The following TMPRSS6 variants were observed in gnomAD, a reference collection of about 807,000 sequenced individuals.
The protein encoded by TMPRSS6 is transmembrane serine protease 6.
In TMPRSS6, 67 loss-of-function variants were observed where a neutral mutation model predicts 101.5. That is an observed-to-expected ratio of 0.66 (90% confidence interval 0.54 to 0.81). The LOEUF (loss-of-function observed/expected upper bound fraction) is 0.81, where lower values mean the gene tolerates loss of function less well. Ranked by LOEUF, TMPRSS6 falls within the 30% of genes least tolerant of loss-of-function variation. The pLI, the probability that TMPRSS6 is intolerant of heterozygous loss-of-function variation, is 0.00. For synonymous variants in TMPRSS6, 453 were observed against 464.9 expected (o/e 0.97, Z 0.33); for missense variants, 1,034 against 1,088.7 (o/e 0.95, Z 0.71).
intron 7 of TMPRSS6, among the ~76,000 whole-genome samples, chr22:37,088,475 C>T (rs1271283012): frequency 2.0e-5 from 3 of 152,174 alleles, no homozygotes; most frequent in East Asian, 1.9e-4. Flanking sequence ...AATAAACAAT[C>T]GCTGAGAACT....
chr22:37,107,683 C>T (rs993988080), intron 1 of TMPRSS6, among the ~76,000 whole-genome samples: 3 of 152,092 alleles, frequency 2.0e-5, no homozygotes, highest in Admixed American at 6.5e-5. Context: ...CCCAGGGTCT[C>T]AGTTTTCCTG....
intron 10 of TMPRSS6, chr22:37,082,750 G>A: frequency 2.8e-6 from 1 of 358,434 alleles, no homozygotes; most frequent in Non-Finnish European, 5.4e-6. Flanking sequence ...CAAATGCAAA[G>A]CCCTGAAGGC....
At position 37,086,247 on chromosome 22, in the gene TMPRSS6, A is replaced by G. The variant is rs371253948; in HGVS notation, c.973+36T>C. 14 of 1,613,538 alleles carry G rather than the reference A, an allele frequency of 8.7e-6. No homozygotes were observed. In the African/African-American group the frequency reaches 1.9e-4, roughly 22 times the overall value. On this transcript the variant is annotated intron_variant, in intron 8 of 17. Transcript: ENST00000676104. ...TGGAGGGCCCTTGGATTCTACCACC[A>G]CCCCTCCCCTGCCCCAGGGACCCCT... is the stretch of plus-strand genomic sequence containing the variant.
chr22:37,072,706 G>A (rs1927193485), intron 13 of TMPRSS6, among the ~76,000 whole-genome samples: 1 of 147,404 alleles, frequency 6.8e-6, no homozygotes, highest in Admixed American at 6.7e-5. Flanking sequence ...ATGGACGGAT[G>A]GATGATGGAT....
chr22:37,089,491 C>T, intron 7 of TMPRSS6, 87 bp downstream of exon 7: 1 of 1,338,808 alleles, frequency 7.5e-7, no homozygotes, highest in Non-Finnish European at 1.0e-6. Context: ...CCTCCCTTGT[C>T]TAAGAATGCT....
chr22:37,097,662 C>G (rs1929884487), intron 3 of TMPRSS6, among the ~76,000 whole-genome samples: 1 of 151,498 alleles, frequency 6.6e-6, no homozygotes, highest in Non-Finnish European at 1.5e-5. Context: ...CAGGAGTGGC[C>G]ACCGTCCTGT....
chr22:37,067,739 T>A (rs1480162953), intron 16 of TMPRSS6, among the ~76,000 whole-genome samples: 1 of 151,974 alleles, frequency 6.6e-6, no homozygotes, highest in East Asian at 1.9e-4. Context: ...TGATACGCAG[T>A]TTTTCTTGAA....
Position 37,082,621 on chromosome 22 carries a change from GC to G in TMPRSS6, c.1196+1673del, listed in dbSNP as rs199965782. The G allele has an allele frequency of 6.3e-3, 1,402 of 222,308 alleles. 12 individuals carry two copies. The highest frequency in any genetic ancestry group is 0.031 in the African/African-American group (1,312 of 42,402). The allele number at this position is 222,308 out of a possible 1,614,324, so 13.8% of individuals were successfully genotyped here. ...GGTCAGGGCAGCCGTTCCCAGAGGT[GC>G]CCCCATCATGCTACAGAAGCCTTCT... On this transcript the variant is annotated intron_variant, in intron 10 of 17. Coordinates refer to ENST00000676104, the MANE Select transcript of TMPRSS6 (RefSeq NM_001374504.1).
At position 37,095,546 on chromosome 22, in the gene TMPRSS6, C is replaced by T. The variant is rs781025391; in HGVS notation, c.631+5G>A. ...AAATGGGGAGGGGAAAAAAAAATAG[C>T]GTACCCAGCGTGGAATTCAATGCAG... On this transcript the variant is annotated splice_donor_5th_base_variant and intron_variant, in intron 6 of 17. Coordinates refer to ENST00000676104, the MANE Select transcript of TMPRSS6 (RefSeq NM_001374504.1). 2.9e-5 allele frequency: 47 copies of T among 1,611,582 alleles called. No homozygotes were observed. Among genetic ancestry groups the T allele is most frequent in the East Asian group, 2.9e-4 (13 of 44,822 alleles).
At position 37,069,006 on chromosome 22, in the gene TMPRSS6, GCCA is replaced by G; in HGVS notation, c.2113+64_2113+66del. On this transcript the variant is annotated intron_variant, in intron 16 of 17. Coordinates refer to ENST00000676104, the MANE Select transcript of TMPRSS6 (RefSeq NM_001374504.1). This position sits in a 1 kb window ranked among gnomAD's most constrained non-coding sequence, Gnocchi z 4.8. ...GACCCCCAGCCCCGCCCTTCTCCAG[GCCA>G]GGTGTTACGGCGCAGATCCGCACGG... The G allele has an allele frequency of 6.6e-7, 1 of 1,525,938 alleles. No homozygotes were observed. The highest frequency in any genetic ancestry group is 8.8e-7 in the Non-Finnish European group (1 of 1,142,304). 94.5% of individuals were successfully genotyped at this position (1,525,938 alleles called of 1,614,324 possible).
At chr22:37,084,031 G>A in intron 10 of TMPRSS6, 1 of 579,364 alleles carries the variant, frequency 1.7e-6, no homozygotes, top group East Asian at 2.8e-5. Flanking sequence ...GCTGTAATTA[G>A]AATAAACATC....
chr22:37,105,312 G>C (rs1014443822), intron 1 of TMPRSS6, among the ~76,000 whole-genome samples: 1 of 152,214 alleles, frequency 6.6e-6, no homozygotes, highest in Admixed American at 6.5e-5. Flanking sequence ...TGTGGAGTGG[G>C]CCCTACTGGC....
intron 16 of TMPRSS6, chr22:37,068,612 T>G: frequency 1.3e-6 from 1 of 779,648 alleles, no homozygotes; most frequent in South Asian, 1.3e-5. Flanking sequence ...GCTGTGTGAC[T>G]TACAGCAACA....
At chr22:37,096,907 C>T (rs899526485) in intron 3 of TMPRSS6, among the ~76,000 whole-genome samples, 192 bp from the exon 4 acceptor site, 1 of 152,142 alleles carries the variant, frequency 6.6e-6, no homozygotes, top group African/African-American at 2.4e-5. Context: ...ACACCCCATC[C>T]CCTTCTTTCT....
At position 37,065,500 on chromosome 22, in the gene TMPRSS6, G is replaced by C. The variant is rs145137288; in HGVS notation, c.*580C>G. 8.9e-3 allele frequency: 1,386 copies of C among 156,550 alleles called. 64 individuals carry two copies. Among genetic ancestry groups the C allele is most frequent in the Admixed American group, 0.076 (1,236 of 16,294 alleles). 9.7% of individuals were successfully genotyped at this position (156,550 alleles called of 1,614,324 possible). On this transcript the variant is annotated 3_prime_UTR_variant, in exon 18 of 18. Coordinates refer to ENST00000676104, the MANE Select transcript of TMPRSS6 (RefSeq NM_001374504.1). ...ACCTCCCAGTGAGGGTCTGGGCTGT[G>C]AGGGCCCAGGTGGCAGGCAGGGGTG...
At position 37,084,330 on chromosome 22, in the gene TMPRSS6, C is replaced by A; in HGVS notation, c.1161G>T (p.Pro387=). The change falls in exon 10 of 18, where the codon CCG becomes CCT. Residue 387 remains proline (P), a synonymous_variant. Transcript: ENST00000676104. ...GGATCGTCCACTGGCCCTGGGTGCACGGCAAATCATACTTCTGCCTCCTCA... is the reference window on the plus strand; with the variant it reads ...GGATCGTCCACTGGCCCTGGGTGCAAGGCAAATCATACTTCTGCCTCCTCA... ...YALRRQKYDL[P]CTQGQWTIQN... is the part of the protein sequence containing the mutation. 4.3e-6 allele frequency: 7 copies of A among 1,613,672 alleles called. No homozygotes were observed. The highest frequency in any genetic ancestry group is 1.1e-5 in the South Asian group (1 of 90,952).
chr22:37,075,347 G>A (rs1380561197), intron 10 of TMPRSS6, 67 bp from the exon 11 acceptor site: 1 of 1,596,460 alleles, frequency 6.3e-7, no homozygotes, highest in East Asian at 2.2e-5. Context: ...CACAGACAGA[G>A]CAAGGACAGG....
chr22:37,077,059 G>A (rs542322000), intron 10 of TMPRSS6, among the ~76,000 whole-genome samples: 2 of 152,240 alleles, frequency 1.3e-5, no homozygotes, highest in Non-Finnish European at 2.9e-5. Context: ...CTGAAGATGA[G>A]CTTTGAGGCT....
rs760023519 is a variant in TMPRSS6, at chr22:37,069,167, G to A, written c.2019C>T (p.Ala673=). ...LQLDHPVVRS[A]AVRPVCLPAR... is the part of the protein sequence containing the mutation. ...CGGGCAGGCAGACGGGGCGCACGGCGGCCGAGCGCACCACCGGGTGGTCGA... is the reference window on the plus strand; with the variant it reads ...CGGGCAGGCAGACGGGGCGCACGGCAGCCGAGCGCACCACCGGGTGGTCGA... The change falls in exon 16 of 18, where the codon GCC becomes GCT. Residue 673 remains alanine, a synonymous_variant. Coordinates refer to ENST00000676104, the MANE Select transcript of TMPRSS6 (RefSeq NM_001374504.1). This position sits in a 1 kb window ranked among gnomAD's most constrained non-coding sequence, Gnocchi z 4.8. 8 of 1,584,876 alleles carry A rather than the reference G, an allele frequency of 5.0e-6. No individual in the cohort carries two copies. In the East Asian group the frequency reaches 9.3e-5, roughly 18 times the overall value.
Sources: gnomAD v4.1 joint callset for allele counts (sites outside exome capture counted in the v4.1 genomes callset) on GRCh38, gnomAD v4.1.1 for gene constraint, Gnocchi (gnomAD v3.1) non-coding constraint, MANE v1.5 for transcripts, NCBI Gene and HGNC (gene_info 2026-07-23, HGNC 2026-07-21) for gene names.